RPGR: variants seen among roughly 807,000 people sequenced by gnomAD.
RPGR encodes retinitis pigmentosa GTPase regulator, also known as X-linked retinitis pigmentosa GTPase regulator.
Under a neutral mutation model 56.3 loss-of-function variants are expected in RPGR, and 10 were observed. The observed-to-expected ratio is 0.18, with a 90% confidence interval of 0.11 to 0.30. The LOEUF (loss-of-function observed/expected upper bound fraction) is 0.30, where lower values mean the gene tolerates loss of function less well. Ranked by LOEUF, RPGR falls within the 10% of genes least tolerant of loss-of-function variation. RPGR has a pLI of 1.00. For missense variants in RPGR, 538 were observed against 590.9 expected (o/e 0.91, Z 0.93); for synonymous variants, 197 against 212.9 (o/e 0.93, Z 0.65).
At chrX:38,289,489 A>G (rs1202484638) in intron 13 of RPGR, among the ~76,000 whole-genome samples, 2 of 112,382 alleles carry the variant, frequency 1.8e-5, no homozygotes, top group African/African-American at 6.5e-5. Flanking sequence ...AAATTCTACA[A>G]ACAAGCTAAT....
In RPGR at chrX:38,327,368, G is replaced by A. The variant is rs2068071299; in HGVS notation, c.-1C>T. 2.5e-6 allele frequency: 3 copies of A among 1,186,549 alleles called. No homozygotes were observed. The highest frequency in any genetic ancestry group is 3.5e-5 in the African/African-American group (2 of 57,075). ...GCATCAGCTCTTCCGGCTCCCTCAT[G>A]CCACGGGCAGTACGGGCAGCCTGCG... On this transcript the variant is annotated 5_prime_UTR_variant, in exon 1 of 19. Transcript: ENST00000642395.
intron 15 of RPGR, chrX:38,286,090 CCTT>C (rs1555961467): frequency 2.3e-6 from 1 of 438,117 alleles, no homozygotes; most frequent in Non-Finnish European, 3.1e-6. Context: ...TTCCCCTTCT[CCTT>C]CCTCTTCCCC....
rs748582313 is a variant in RPGR at position 38,285,873 on chromosome X, TTCC to T, written c.1905+1218_1905+1220del. ...CCCCCTCCTTTTCCCTTTCTTCTCC[TTCC>T]TCCTCTCCTTCCTCTTCCTCTCCTT... is the stretch of plus-strand genomic sequence containing the variant. On this transcript the variant is annotated intron_variant, in intron 15 of 18. Transcript: ENST00000642395. The T allele has an allele frequency of 8.5e-5, 102 of 1,194,718 alleles. No individual in the cohort carries two copies. In the African/African-American group the frequency reaches 1.5e-3, roughly 18 times the overall value.
At chrX:38,271,704 C>T (rs1271842015) in intron 18 of RPGR, among the ~76,000 whole-genome samples, 1 of 111,954 alleles carries the variant, frequency 8.9e-6, no homozygotes, top group East Asian at 2.8e-4. Context: ...GATAGACTTA[C>T]TCTAACAGAG....
intron 4 of RPGR, among the ~76,000 whole-genome samples, chrX:38,320,689 T>C (rs1021960846): frequency 1.8e-5 from 2 of 112,302 alleles, no homozygotes; most frequent in African/African-American, 3.2e-5. Flanking sequence ...ATGGGAATTA[T>C]GCTCACTCAC....
In RPGR at chrX:38,276,656, T is replaced by C. The variant is rs370252136; in HGVS notation, c.2022A>G (p.Thr674=). 5 of 1,208,962 alleles carry C rather than the reference T, an allele frequency of 4.1e-6. No homozygotes were observed. Among genetic ancestry groups the C allele is most frequent in the South Asian group, 1.8e-5 (1 of 56,824 alleles). ...CTCCTTCTGTTTTACTGTGATAACC[T>C]GTAGGAACACTTTCATCATCTCCCA... is the stretch of plus-strand genomic sequence containing the variant. The change falls in exon 16 of 19, where the codon ACA becomes ACG. Residue 674 remains threonine, a synonymous_variant. Coordinates refer to ENST00000642395, the MANE Select transcript of RPGR (RefSeq NM_000328.3).
At position 38,297,341 on chromosome X, in the gene RPGR, T is replaced by C. The variant is rs2067405659; in HGVS notation, c.1357A>G (p.Arg453Gly). 8.3e-7 allele frequency: 1 copy of C among 1,210,176 alleles called. No individual in the cohort carries two copies. The highest frequency in any genetic ancestry group is 1.8e-5 in the South Asian group (1 of 56,898). ...GATAAGACACTCTCTTGGAGGTTTC[T>C]CTCAGAACATCGTGGAAAGACTGAA... The change falls in exon 11 of 19, where the codon AGA (arginine) becomes GGA (glycine). Residue 453 changes from arginine to glycine, a missense_variant. By Grantham distance (125) the Arg-to-Gly change is moderately radical. This residue lies in a region of RPGR where 357 missense variants were observed against 325.8 expected (regional missense o/e 1.10). Coordinates refer to ENST00000642395, the MANE Select transcript of RPGR (RefSeq NM_000328.3).
intron 1 of RPGR, 130 bp downstream of exon 1, chrX:38,327,210 C>T: frequency 1.5e-6 from 1 of 651,523 alleles, no homozygotes; most frequent in Non-Finnish European, 2.2e-6. Context: ...GGAGCGCAAC[C>T]AGCGATCCCG....
rs1384034145 is a variant in RPGR at position 38,286,696 on chromosome X, C to T, written c.1905+398G>A. ...TTTCCTCTCTCCTTCCTCCTTTTCA[C>T]GTTCTCCCTCCACTTCTTCCCCTTC... On this transcript the variant is annotated intron_variant, in intron 15 of 18. Transcript: ENST00000642395. 14 of 1,147,365 alleles carry T rather than the reference C, an allele frequency of 1.2e-5. No homozygotes were observed. The highest frequency in any genetic ancestry group is 5.5e-5 in the Admixed American group (2 of 36,641). The allele number at this position is 1,147,365 out of a possible 1,213,427, so 94.6% of individuals were successfully genotyped here.
At chrX:38,279,394 ACAGTCAG>A (rs1281895949) in intron 15 of RPGR, among the ~76,000 whole-genome samples, 4 of 111,754 alleles carry the variant, frequency 3.6e-5, no homozygotes, top group Admixed American at 9.5e-5. Flanking sequence ...CAGGCATGGC[ACAGTCAG>A]GTGCAGACTC....
At chrX:38,275,039 ATG>A in intron 17 of RPGR, 2 of 968,832 alleles carry the variant, frequency 2.1e-6, no homozygotes, top group Non-Finnish European at 3.0e-6. Flanking sequence ...ACACATATAT[ATG>A]TGTGTATGTA....
At chrX:38,301,414 T>C (rs2067498955) in intron 8 of RPGR, 43 bp from the exon 9 acceptor site, 2 of 1,086,960 alleles carry the variant, frequency 1.8e-6, no homozygotes, top group Admixed American at 2.2e-5. Flanking sequence ...AAGTGTTACT[T>C]GTATGGATCT....
chrX:38,279,189 G>A (rs1477944343), intron 15 of RPGR: 2 of 331,337 alleles, frequency 6.0e-6, no homozygotes, highest in Non-Finnish European at 1.2e-5. Context: ...AACAATTTGG[G>A]AGTGACTGGC....
intron 6 of RPGR, among the ~76,000 whole-genome samples, chrX:38,314,512 A>C (rs2067781537): frequency 9.0e-6 from 1 of 111,154 alleles, no homozygotes; most frequent in Non-Finnish European, 1.9e-5. Flanking sequence ...CAGTTCCCAT[A>C]ACCCCAACTC....
At chrX:38,273,295 TAA>T (rs781700487) in intron 18 of RPGR, 1 of 713,540 alleles carries the variant, frequency 1.4e-6, no homozygotes, top group African/African-American at 2.1e-5. Context: ...AAACTCATAT[TAA>T]GAGAGTTAAA....
intron 10 of RPGR, 51 bp from the exon 11 acceptor site, chrX:38,297,503 T>C: frequency 9.4e-7 from 1 of 1,062,404 alleles, no homozygotes; most frequent in Non-Finnish European, 1.3e-6. Context: ...ATATATTTAA[T>C]ATTGATATAA....
intron 8 of RPGR, 90 bp from the exon 9 acceptor site, chrX:38,301,461 A>G: frequency 1.2e-6 from 1 of 828,140 alleles, no homozygotes; most frequent in Non-Finnish European, 1.8e-6. Flanking sequence ...TCATACTGCA[A>G]TTATAATTAT....
intron 9 of RPGR, among the ~76,000 whole-genome samples, chrX:38,300,880 G>A (rs2067489692): frequency 8.9e-6 from 1 of 112,077 alleles, no homozygotes; most frequent in Admixed American, 9.5e-5. Flanking sequence ...CAGGATTTGA[G>A]AGTCTAACAT....
chrX:38,292,792 C>G (rs13441165), intron 11 of RPGR, among the ~76,000 whole-genome samples: 33,077 of 110,048 alleles, frequency 0.3, 4,993 homozygotes, highest in East Asian at 0.67. Context: ...CGTATGTTGG[C>G]AATCAGGAAA....
Sources: allele counts gnomAD v4.1 joint callset (sites outside exome capture counted in the v4.1 genomes callset), GRCh38; gene constraint gnomAD v4.1.1; regional missense constraint gnomAD v4.1.1; transcripts MANE v1.5; gene names NCBI Gene and HGNC (gene_info 2026-07-23, HGNC 2026-07-21).